Variants in GLI2 observed in about 807,000 individuals in gnomAD.
GLI2 encodes the protein transcription activator GLI2.
In GLI2, 22 loss-of-function variants were observed where a neutral mutation model predicts 78.9. The ratio of observed to expected loss-of-function variants is 0.28; its 90% CI spans 0.20 to 0.40. The LOEUF is 0.40. GLI2 is among the 10% of genes least tolerant of loss of function. GLI2 has a pLI of 1.00. For missense variants in GLI2, 2,097 were observed against 2,213.2 expected, an observed-to-expected ratio of 0.95 and a Z score of 1.05; for synonymous variants, 974 against 963.7, an observed-to-expected ratio of 1.01 and a Z score of -0.20.
chr2:120,936,595 T>C (rs1400775768), intron 3 of GLI2, among the ~76,000 whole-genome samples: 1 of 152,204 alleles, frequency 6.6e-6, no homozygotes, highest in African/African-American at 2.4e-5. Context: ...CTCGCCATGG[T>C]TCTCAGGGCT....
intron 5 of GLI2, among the ~76,000 whole-genome samples, chr2:120,963,444 T>C (rs1681680746): frequency 6.6e-6 from 1 of 151,056 alleles, no homozygotes; most frequent in African/African-American, 2.5e-5. Flanking sequence ...ATCTTGTGTG[T>C]GTGTGTGTGT....
chr2:120,787,378 A>G (rs1289141257), intron 1 of GLI2, among the ~76,000 whole-genome samples: 1 of 151,942 alleles, frequency 6.6e-6, no homozygotes, highest in East Asian at 1.9e-4. Context: ...TCCTGCAAGG[A>G]TTTTCCACCC....
rs916267145 is a variant in GLI2, at chr2:120,777,904, C to G, written c.-30-19387C>G. On this transcript the variant is annotated intron_variant, in intron 1 of 13. Transcript: ENST00000361492. ...TGCACCCCAGGCTGGGGTGCAGAGC[C>G]CAGTGTGGTCAGAGTGGGAGCACGG... is the stretch of plus-strand genomic sequence containing the variant. Among the ~76,000 whole-genome samples the G allele has an allele frequency of 2.6e-5, 4 of 152,026 alleles. No homozygotes were observed. The East Asian group carries it at 7.7e-4, about 29-fold the overall frequency.
chr2:120,838,942 T>G (rs1686739802), intron 2 of GLI2, among the ~76,000 whole-genome samples: 1 of 152,170 alleles, frequency 6.6e-6, no homozygotes, highest in Non-Finnish European at 1.5e-5. Flanking sequence ...CATATCCCTG[T>G]CATTAAGTGG....
At chr2:120,969,783 T>C (rs1253508820) in intron 6 of GLI2, among the ~76,000 whole-genome samples, 2 of 152,204 alleles carry the variant, frequency 1.3e-5, no homozygotes, top group Non-Finnish European at 2.9e-5. Flanking sequence ...TGCTTGAGTG[T>C]CCTCACAACA....
chr2:120,948,379 C>T (rs1289112960), intron 3 of GLI2, among the ~76,000 whole-genome samples: 1 of 152,142 alleles, frequency 6.6e-6, no homozygotes. Flanking sequence ...AAAAGGCTGC[C>T]CTGGGCTACC....
intron 2 of GLI2, among the ~76,000 whole-genome samples, chr2:120,812,421 T>C (rs571505053): frequency 6.6e-6 from 1 of 152,296 alleles, no homozygotes; most frequent in Non-Finnish European, 1.5e-5. Flanking sequence ...CACGGGGGAA[T>C]GATGAGGACT....
chr2:120,967,752 G>A (rs146132682), intron 5 of GLI2, among the ~76,000 whole-genome samples: 5 of 152,366 alleles, frequency 3.3e-5, no homozygotes, highest in African/African-American at 9.6e-5. Context: ...CATGCATGTG[G>A]TGTGCACATT....
In GLI2 at chr2:120,765,757, G is replaced by A. The variant is rs11898067; in HGVS notation, c.-31+29472G>A. On this transcript the variant is annotated intron_variant, in intron 1 of 13. Coordinates refer to ENST00000361492, the MANE Select transcript of GLI2 (RefSeq NM_001374353.1). ...CTTGGCCTAGCAAAGCTCTTTCTCC[G>A]TTGCAGTCAGGTGGAGGTGAGAAGA... is the stretch of plus-strand genomic sequence containing the variant. Among the ~76,000 whole-genome samples the A allele has an allele frequency of 7.6e-3, 1,163 of 152,364 alleles. 15 individuals carry two copies. Among genetic ancestry groups the A allele is most frequent in the African/African-American group, 0.026 (1,082 of 41,588 alleles).
intron 1 of GLI2, among the ~76,000 whole-genome samples, chr2:120,754,811 A>G (rs574817834): frequency 2.8e-4 from 42 of 150,808 alleles, no homozygotes; most frequent in Non-Finnish European, 5.2e-4. Context: ...GATCATAGGT[A>G]GGTGTGTCTG....
intron 5 of GLI2, among the ~76,000 whole-genome samples, chr2:120,964,475 G>A (rs1328570981): frequency 1.3e-5 from 2 of 152,240 alleles, no homozygotes; most frequent in African/African-American, 4.8e-5. Context: ...GCCCCAGAAT[G>A]ATCCAAGCAA....
At chr2:120,753,872 C>A (rs1682957939) in intron 1 of GLI2, among the ~76,000 whole-genome samples, 1 of 148,718 alleles carries the variant, frequency 6.7e-6, no homozygotes, top group Admixed American at 6.7e-5. Context: ...GCCGAGATCG[C>A]GCCACTGCAC....
chr2:120,951,341 C>T lies in GLI2; in HGVS notation c.353C>T (p.Pro118Leu). ...CCTGGGGAGTCCCCCTTCAACGCCCCCCACCCGTACGTGAACCCCCACATG... is the reference window on the plus strand; with the variant it reads ...CCTGGGGAGTCCCCCTTCAACGCCCTCCACCCGTACGTGAACCCCCACATG... ...AGPGESPFNAPHPYVNPHMEH... is the reference protein window; with the variant it reads ...AGPGESPFNALHPYVNPHMEH... The change falls in exon 4 of 14, where the codon CCC becomes CTC. Residue 118 changes from proline to leucine, a missense_variant. Transcript: ENST00000361492. 1 of 1,585,672 alleles carries T rather than the reference C, an allele frequency of 6.3e-7. No homozygotes were observed. The highest frequency in any genetic ancestry group is 8.7e-7 in the Non-Finnish European group (1 of 1,154,208).
rs935062975 is a variant in GLI2 at position 120,958,974 on chromosome 2, A to G, written c.643+3544A>G. On this transcript the variant is annotated intron_variant, in intron 5 of 13. Transcript: ENST00000361492. Reference sequence around the variant, plus strand: ...GTGAGTGAGTGAATGAGTGAATGGCACTTAGAAAAGACCCTGGAATGGAAA... The same window carrying G: ...GTGAGTGAGTGAATGAGTGAATGGCGCTTAGAAAAGACCCTGGAATGGAAA... Among the ~76,000 whole-genome samples, 68 of 152,330 alleles carry G rather than the reference A, an allele frequency of 4.5e-4. 1 individual carries two copies. The highest frequency in any genetic ancestry group is 1.5e-3 in the African/African-American group (64 of 41,572).
chr2:120,763,008 T>A lies in GLI2; in HGVS notation c.-31+26723T>A, dbSNP rs189311931. 2.0e-4 allele frequency among the ~76,000 whole-genome samples: 30 copies of A among 152,282 alleles called. No homozygotes were observed. The East Asian group carries it at 5.8e-3, about 29-fold the overall frequency. On this transcript the variant is annotated intron_variant, in intron 1 of 13. Transcript: ENST00000361492. ...GAAGAGAAGGACAGGGCTTTCCATATGGGGGACCACATGGGCAAAGCCCTG... is the reference window on the plus strand; with the variant it reads ...GAAGAGAAGGACAGGGCTTTCCATAAGGGGGACCACATGGGCAAAGCCCTG...
intron 8 of GLI2, among the ~76,000 whole-genome samples, chr2:120,973,275 AG>A (rs1682282163): frequency 6.6e-6 from 1 of 152,232 alleles, no homozygotes; most frequent in South Asian, 2.1e-4. Flanking sequence ...GAAATTGATG[AG>A]GACGGCACAT....
At chr2:120,885,825 C>G (rs1329427880) in intron 2 of GLI2, among the ~76,000 whole-genome samples, 2 of 152,206 alleles carry the variant, frequency 1.3e-5, no homozygotes, top group Non-Finnish European at 2.9e-5. Context: ...TCTACCTGGT[C>G]ATGTGTGGGA....
intron 1 of GLI2, among the ~76,000 whole-genome samples, chr2:120,761,443 A>AC (rs977796567): frequency 1.3e-5 from 2 of 152,176 alleles, no homozygotes; most frequent in African/African-American, 4.8e-5. Context: ...GGCCCAGCCC[A>AC]GGGGGTGGCT....
At chr2:120,844,952 C>G (rs1016832148) in intron 2 of GLI2, among the ~76,000 whole-genome samples, 2 of 142,130 alleles carry the variant, frequency 1.4e-5, no homozygotes, top group Non-Finnish European at 3.1e-5. Flanking sequence ...CCTGTGTAGA[C>G]TGGGTGGGAG....
Sources: allele counts gnomAD v4.1 joint callset (sites outside exome capture counted in the v4.1 genomes callset), GRCh38; gene constraint gnomAD v4.1.1; transcripts MANE v1.5; gene names NCBI Gene and HGNC (gene_info 2026-07-23, HGNC 2026-07-21).